FRMPD3: variants seen among roughly 807,000 people sequenced by gnomAD.
The protein encoded by FRMPD3 is FERM and PDZ domain-containing protein 3.
In FRMPD3, 42 loss-of-function variants were observed where a neutral mutation model predicts 97.9. That is an observed-to-expected ratio of 0.43 (90% confidence interval 0.34 to 0.55). The LOEUF (loss-of-function observed/expected upper bound fraction) is 0.55. Ranked by LOEUF, FRMPD3 falls within the 20% of genes least tolerant of loss-of-function variation. The probability of loss-of-function intolerance (pLI) is 0.03; values close to 1 mark genes in which losing one functional copy is unlikely to be tolerated. For synonymous variants in FRMPD3, 577 were observed against 581.1 expected (o/e 0.99, Z 0.10); for missense variants, 1,303 against 1,457.7 (o/e 0.89, Z 1.73).
rs762279654 is a variant in FRMPD3 at position 107,603,502 on chromosome X, C to T, written c.*129C>T. On this transcript the variant is annotated 3_prime_UTR_variant, in exon 15 of 15. Transcript: ENST00000683843. The stretch of plus-strand genomic sequence containing the variant: ...CAGGGTCCAAGAGCCCATCAGTCTC[C>T]GGGGAGTGGAAACTCTCTTGATTGA... 162 of 1,076,373 alleles carry T rather than the reference C, an allele frequency of 1.5e-4. No homozygotes were observed. The highest frequency in any genetic ancestry group is 1.1e-3 in the East Asian group (34 of 29,869). 88.7% of individuals were successfully genotyped at this position (1,076,373 alleles called of 1,213,427 possible).
At chrX:107,573,863 A>G (rs1370526909) in intron 12 of FRMPD3, among the ~76,000 whole-genome samples, 1 of 112,491 alleles carries the variant, frequency 8.9e-6, no homozygotes, top group Admixed American at 9.5e-5. Context: ...TTAAAGGAGT[A>G]GACTGGGCAT....
intron 12 of FRMPD3, among the ~76,000 whole-genome samples, chrX:107,571,090 A>G (rs752605619): frequency 7.5e-4 from 84 of 111,974 alleles, no homozygotes; most frequent in Non-Finnish European, 1.1e-3. Context: ...TACCTGGGCC[A>G]TTACCATACC....
intron 1 of FRMPD3, among the ~76,000 whole-genome samples, chrX:107,515,390 T>A (rs1357233284): frequency 9.0e-6 from 1 of 111,364 alleles, no homozygotes; most frequent in African/African-American, 3.3e-5. Flanking sequence ...TGGCTAACTG[T>A]CTACAGCTAT....
chrX:107,489,177 A>G (rs1921588109), intron 1 of FRMPD3, among the ~76,000 whole-genome samples: 1 of 109,134 alleles, frequency 9.2e-6, no homozygotes, highest in African/African-American at 3.3e-5. Context: ...TTCATTTTTT[A>G]TGGCTGCATA....
chrX:107,521,206 T>C lies in FRMPD3; in HGVS notation c.-7-5376T>C, dbSNP rs757738015. 3.5e-5 allele frequency among the ~76,000 whole-genome samples: 4 copies of C among 112,791 alleles called. No homozygotes were observed. In the East Asian group the frequency reaches 1.1e-3, roughly 31 times the overall value. On this transcript the variant is annotated intron_variant, in intron 1 of 14. Transcript: ENST00000683843. ...AGTCCTTTGTTTGCATGAATTTATG[T>C]GTCCACAAAAGATAACATTTATGTT...
Position 107,474,838 on chromosome X carries a change from GA to G in FRMPD3, c.-8+24838del, listed in dbSNP as rs758048469. Among the ~76,000 whole-genome samples the G allele has an allele frequency of 4.5e-5, 5 of 111,940 alleles. No homozygotes were observed. In the South Asian group the frequency reaches 1.9e-3, roughly 42 times the overall value. On this transcript the variant is annotated intron_variant, in intron 1 of 14. Coordinates refer to ENST00000683843, the MANE Select transcript of FRMPD3 (RefSeq NM_001388459.1). ...GAAACAGCAGAAAGTACACGGGGGG[GA>G]AAAAGGATAAGGCTCAAAGGCTGCA...
chrX:107,575,214 A>G (rs996002898), intron 12 of FRMPD3, among the ~76,000 whole-genome samples: 1 of 112,241 alleles, frequency 8.9e-6, no homozygotes, highest in Non-Finnish European at 1.9e-5. Flanking sequence ...TTTCTATAAA[A>G]ATAGATCTTT....
At chrX:107,459,884 TACACACACACACACACACACACAC>T (rs67324661) in intron 1 of FRMPD3, among the ~76,000 whole-genome samples, 2 of 89,850 alleles carry the variant, frequency 2.2e-5, no homozygotes, top group Non-Finnish European at 4.4e-5. Context: ...CAAGCATACA[TACACACACACACACACACACACAC>T]ACACACACAC....
intron 1 of FRMPD3, among the ~76,000 whole-genome samples, chrX:107,463,242 G>C (rs1470472303): frequency 8.9e-6 from 1 of 112,664 alleles, no homozygotes; most frequent in Non-Finnish European, 1.9e-5. Flanking sequence ...ACCATTTTGT[G>C]TATTTCATAT....
At chrX:107,518,260 A>G (rs1261368930) in intron 1 of FRMPD3, among the ~76,000 whole-genome samples, 1 of 111,924 alleles carries the variant, frequency 8.9e-6, no homozygotes, top group African/African-American at 3.3e-5. Flanking sequence ...GTAAAAGGGA[A>G]TATCAAGTGG....
chrX:107,503,624 T>G (rs1229879188), intron 1 of FRMPD3, among the ~76,000 whole-genome samples: 1 of 112,701 alleles, frequency 8.9e-6, no homozygotes, highest in Non-Finnish European at 1.9e-5. Context: ...GTCTCCTCAG[T>G]TGCCTGTCAT....
intron 1 of FRMPD3, among the ~76,000 whole-genome samples, chrX:107,471,306 T>TTCCC (rs371193028): frequency 3.2e-5 from 3 of 92,678 alleles, no homozygotes; most frequent in South Asian, 6.3e-4. Flanking sequence ...CCTTCTTTCC[T>TTCCC]TCCCTCCCTC....
Position 107,526,581 on chromosome X carries a change from G to C in FRMPD3, c.-7-1G>C. The C allele has an allele frequency of 8.4e-7, 1 of 1,191,472 alleles. No homozygotes were observed. The highest frequency in any genetic ancestry group is 1.1e-6 in the Non-Finnish European group (1 of 887,322). Reference sequence around the variant, plus strand: ...TTGCTCCCACCTTCCCTTTTCCCCAGTCATGTGATGCAGGAAGAGAGCGCA... The same window carrying C: ...TTGCTCCCACCTTCCCTTTTCCCCACTCATGTGATGCAGGAAGAGAGCGCA... On this transcript the variant is annotated splice_acceptor_variant, in intron 1 of 14. Coordinates refer to ENST00000683843, the MANE Select transcript of FRMPD3 (RefSeq NM_001388459.1). LOFTEE classifies it low-confidence loss of function (5UTR_SPLICE).
intron 13 of FRMPD3, among the ~76,000 whole-genome samples, chrX:107,583,026 C>T (rs1439101746): frequency 6.3e-5 from 7 of 111,930 alleles, no homozygotes; most frequent in Non-Finnish European, 3.8e-5. Context: ...ATTTAAATCT[C>T]CTTTAATTTC....
At chrX:107,528,161 T>TAGCCCTATAAA (rs1922776948) in intron 2 of FRMPD3, among the ~76,000 whole-genome samples, 1 of 111,617 alleles carries the variant, frequency 9.0e-6, no homozygotes, top group Non-Finnish European at 1.9e-5. Context: ...CTGGCATGCA[T>TAGCCCTATAAA]AGCCCTATAA....
chrX:107,451,768 A>C (rs1416029115), intron 1 of FRMPD3, among the ~76,000 whole-genome samples: 1 of 112,344 alleles, frequency 8.9e-6, no homozygotes, highest in Non-Finnish European at 1.9e-5. Context: ...CTGAGGTTAA[A>C]TAAGGCATAA....
At chrX:107,489,080 GTGGTGTT>G (rs1231460823) in intron 1 of FRMPD3, among the ~76,000 whole-genome samples, 1 of 102,382 alleles carries the variant, frequency 9.8e-6, no homozygotes, top group East Asian at 3.1e-4. Context: ...GTGAGAACAT[GTGGTGTT>G]TGGTTTTTTG....
At chrX:107,554,182 G>C (rs938841709) in intron 7 of FRMPD3, among the ~76,000 whole-genome samples, 1 of 110,932 alleles carries the variant, frequency 9.0e-6, no homozygotes, top group Admixed American at 9.7e-5. Context: ...CTCTTATTTT[G>C]GGTCAGAAGT....
chrX:107,588,870 G>A (rs770150951), intron 13 of FRMPD3, among the ~76,000 whole-genome samples: 15 of 111,138 alleles, frequency 1.3e-4, no homozygotes, highest in Non-Finnish European at 2.1e-4. Flanking sequence ...GGTTGATTCA[G>A]CTATCGATAC....
Sources: gnomAD v4.1 joint callset for allele counts (sites outside exome capture counted in the v4.1 genomes callset) on GRCh38, gnomAD v4.1.1 for gene constraint, MANE v1.5 for transcripts, NCBI Gene and HGNC (gene_info 2026-07-23, HGNC 2026-07-21) for gene names.